LGALS12: variants seen among roughly 807,000 people sequenced by gnomAD.
LGALS12 encodes the protein galectin 12, also known as galectin-12.
LGALS12 carries 36 observed loss-of-function variants against 36.8 expected under a neutral mutation model. The observed-to-expected ratio is 0.98, with a 90% CI of 0.75 to 1.29. The LOEUF is 1.29. Among genes scored for constraint, LGALS12 ranks in the 50% most tolerant of loss-of-function variants. LGALS12 has a pLI of 0.00. For synonymous variants in LGALS12, 145 were observed against 155.9 expected, an observed-to-expected ratio of 0.93 and a Z score of 0.52; for missense variants, 366 against 394.3, an observed-to-expected ratio of 0.93 and a Z score of 0.61.
At chr11:63,512,888 G>A (rs2016970553) in intron 7 of LGALS12, among the ~76,000 whole-genome samples, 1 of 152,110 alleles carries the variant, frequency 6.6e-6, no homozygotes, top group East Asian at 1.9e-4. Flanking sequence ...CACAAATGTG[G>A]GTACTACTGC....
chr11:63,511,370 A>T (rs531935094), intron 6 of LGALS12, among the ~76,000 whole-genome samples: 7 of 152,220 alleles, frequency 4.6e-5, no homozygotes, highest in African/African-American at 1.7e-4. Context: ...ACTTATTGTG[A>T]ACATCATTAC....
intron 7 of LGALS12, among the ~76,000 whole-genome samples, chr11:63,512,658 G>T (rs150862449): frequency 1.3e-5 from 2 of 151,854 alleles, no homozygotes; most frequent in African/African-American, 4.8e-5. Flanking sequence ...GCATGGTGGC[G>T]CATGCCTGTA....
chr11:63,516,541 CT>C lies in LGALS12; in HGVS notation c.*151del. The C allele has an allele frequency of 1.1e-6, 1 of 929,406 alleles. No homozygotes were observed. The highest frequency in any genetic ancestry group is 2.6e-5 in the East Asian group (1 of 38,090). The allele number at this position is 929,406 out of a possible 1,614,324, so 57.6% of individuals were successfully genotyped here. ...GGTCACGAGACTGAGTCTACAGGAGCTTTGGGCCTGAGGGAAGGCACAAGAG... is the reference window on the plus strand; with the variant it reads ...GGTCACGAGACTGAGTCTACAGGAGCTTGGGCCTGAGGGAAGGCACAAGAG... On this transcript the variant is annotated 3_prime_UTR_variant, in exon 9 of 9. Transcript: ENST00000394618.
chr11:63,508,145 T>C (rs938645209), intron 1 of LGALS12: 5 of 1,055,492 alleles, frequency 4.7e-6, no homozygotes, highest in African/African-American at 3.4e-5. Context: ...TGTCCATTCT[T>C]CTTGCCTCCC....
At chr11:63,507,889 C>A in intron 1 of LGALS12, 1 of 254,848 alleles carries the variant, frequency 3.9e-6, no homozygotes, top group Non-Finnish European at 6.2e-6. Flanking sequence ...AGGTGCATGC[C>A]ACCACACCCA....
In LGALS12 at chr11:63,508,930, T is replaced by G. The variant is rs1322341925; in HGVS notation, c.311T>G (p.Leu104Arg). ...CAAAGGGAGGCCCGGTGGCCCCACC[T>G]GGCCCTGCGAAGAGGCTCCAGCTTC... ...RWQREARWPHLALRRGSSFLI... is the reference protein window; with the variant it reads ...RWQREARWPHRALRRGSSFLI... Residue 104 changes from leucine to arginine, a missense_variant, in exon 3 of 9, where the codon CTG becomes CGG. Transcript: ENST00000394618. 1.2e-6 allele frequency: 2 copies of G among 1,614,210 alleles called. No homozygotes were observed. The highest frequency in any genetic ancestry group is 1.7e-6 in the Non-Finnish European group (2 of 1,179,990).
Position 63,511,695 on chromosome 11 carries a change from C to T in LGALS12, c.559-57C>T, listed in dbSNP as rs372893908. Reference sequence around the variant, plus strand: ...TGCTCCCCTGGCCCCCGGGGATGGGCGGTCCTCCCCAGTCCCCCTGGAAGT... The same window carrying T: ...TGCTCCCCTGGCCCCCGGGGATGGGTGGTCCTCCCCAGTCCCCCTGGAAGT... On this transcript the variant is annotated intron_variant, in intron 6 of 8. Coordinates refer to ENST00000394618, the MANE Select transcript of LGALS12 (RefSeq NM_033101.4). 759 of 1,289,244 alleles carry T rather than the reference C, an allele frequency of 5.9e-4. 3 individuals are homozygous for T. In the African/African-American group the frequency reaches 9.4e-3, roughly 16 times the overall value. The allele number at this position is 1,289,244 out of a possible 1,614,324, so 79.9% of individuals were successfully genotyped here. A position where few individuals can be genotyped will look rare whatever the true frequency, so the allele number is the denominator to read the frequency against.
At chr11:63,509,474 G>A (rs150116093) in intron 3 of LGALS12, among the ~76,000 whole-genome samples, 55 of 152,284 alleles carry the variant, frequency 3.6e-4, no homozygotes, top group African/African-American at 1.2e-3. Flanking sequence ...GTAGCCTCTT[G>A]AGCCTCAGTT....
Position 63,506,216 on chromosome 11 carries a change from G to T in LGALS12, c.-243G>T, listed in dbSNP as rs1358753712. The T allele has an allele frequency of 1.6e-5, 10 of 644,796 alleles. No individual in the cohort carries two copies. The highest frequency in any genetic ancestry group is 2.4e-5 in the Non-Finnish European group (9 of 380,468). 39.9% of individuals were successfully genotyped at this position (644,796 alleles called of 1,614,324 possible). Reference sequence around the variant, plus strand: ...CCCTGGACACTGAGTTCTGCTGACAGCCCCCGCCCAGCCAGAGCTCTGCTG... The same window carrying T: ...CCCTGGACACTGAGTTCTGCTGACATCCCCCGCCCAGCCAGAGCTCTGCTG... On this transcript the variant is annotated 5_prime_UTR_variant, in exon 1 of 9. Transcript: ENST00000394618.
At chr11:63,512,693 G>A (rs753613241) in intron 7 of LGALS12, among the ~76,000 whole-genome samples, 9 of 151,208 alleles carry the variant, frequency 6.0e-5, no homozygotes, top group Non-Finnish European at 1.3e-4. Flanking sequence ...GGAGGCTGAG[G>A]CAGGAGAATC....
intron 4 of LGALS12, 65 bp downstream of exon 4, chr11:63,509,962 G>C (rs2016868114): frequency 1.3e-6 from 2 of 1,562,222 alleles, no homozygotes; most frequent in Admixed American, 3.8e-5. Flanking sequence ...CTCCTGGACG[G>C]GCCTGGGACC....
chr11:63,509,681 C>T (rs571815134), intron 3 of LGALS12, 97 bp from the exon 4 acceptor site: 58 of 1,397,280 alleles, frequency 4.2e-5, no homozygotes, highest in Non-Finnish European at 5.8e-5. Flanking sequence ...TTAAGTGAGG[C>T]AAAATTGAGG....
chr11:63,508,942 G>C lies in LGALS12; in HGVS notation c.323G>C (p.Arg108Thr), dbSNP rs1565225301. ...CGGTGGCCCCACCTGGCCCTGCGAA[G>C]AGGCTCCAGCTTCCTCATCCTCTTT... is the stretch of plus-strand genomic sequence containing the variant. The part of the protein sequence containing the change: ...EARWPHLALR[R>T]GSSFLILFLF... The change falls in exon 3 of 9, where the codon AGA becomes ACA. Residue 108 changes from arginine (R) to threonine (T), a missense_variant. By Grantham distance (71) the Arg-to-Thr change is moderately conservative (BLOSUM62 -1). Coordinates refer to ENST00000394618, the MANE Select transcript of LGALS12 (RefSeq NM_033101.4). 1.9e-6 allele frequency: 3 copies of C among 1,614,220 alleles called. No homozygotes were observed. Among genetic ancestry groups the C allele is most frequent in the Admixed American group, 1.7e-5 (1 of 60,034 alleles).
chr11:63,511,804 T>A lies in LGALS12; in HGVS notation c.611T>A (p.Ile204Asn). The change falls in exon 7 of 9, where the codon ATC (isoleucine) becomes AAC (asparagine). Residue 204 changes from isoleucine to asparagine, a missense_variant. Physicochemically the swap from Ile to Asn is moderately radical, Grantham distance 149. Transcript: ENST00000394618. ...LPQGLSPGQV[I>N]IVRGLVLQEP... The stretch of plus-strand genomic sequence containing the variant: ...CAGGGTCTCTCGCCTGGGCAGGTCA[T>A]CATAGTACGGGGACTGGTCTTGCAA... 6.2e-7 allele frequency: 1 copy of A among 1,613,796 alleles called. No individual in the cohort carries two copies. The highest frequency in any genetic ancestry group is 8.5e-7 in the Non-Finnish European group (1 of 1,179,920).
At position 63,508,931 on chromosome 11, in the gene LGALS12, G is replaced by C; in HGVS notation, c.312G>C (p.Leu104=). 6.2e-7 allele frequency: 1 copy of C among 1,614,232 alleles called. No individual in the cohort carries two copies. Among genetic ancestry groups the C allele is most frequent in the South Asian group, 1.1e-5 (1 of 91,090 alleles). Residue 104 remains leucine, a synonymous_variant, in exon 3 of 9, where the codon CTG becomes CTC. Transcript: ENST00000394618. ...RWQREARWPH[L]ALRRGSSFLI... ...AAAGGGAGGCCCGGTGGCCCCACCT[G>C]GCCCTGCGAAGAGGCTCCAGCTTCC... is the stretch of plus-strand genomic sequence containing the variant.
In LGALS12 at chr11:63,509,978, C is replaced by G. The variant is rs1025905865; in HGVS notation, c.492+81C>G. The G allele has an allele frequency of 3.3e-6, 5 of 1,515,646 alleles. No homozygotes were observed. In the African/African-American group the frequency reaches 6.8e-5, roughly 21 times the overall value. The allele number at this position is 1,515,646 out of a possible 1,614,324, so 93.9% of individuals were successfully genotyped here. The stretch of plus-strand genomic sequence containing the variant: ...TCCTGGACGGGCCTGGGACCCCTTC[C>G]TCCACCCTAGACTGAGAGAGAGGAC... On this transcript the variant is annotated intron_variant, in intron 4 of 8. Transcript: ENST00000394618.
chr11:63,509,777 G>A lies in LGALS12; in HGVS notation c.373-1G>A, dbSNP rs1201289241. The A allele has an allele frequency of 6.2e-7, 1 of 1,614,138 alleles. No homozygotes were observed. The highest frequency in any genetic ancestry group is 8.5e-7 in the Non-Finnish European group (1 of 1,179,952). On this transcript the variant is annotated splice_acceptor_variant, in intron 3 of 8. Coordinates refer to ENST00000394618, the MANE Select transcript of LGALS12 (RefSeq NM_033101.4). LOFTEE classifies it high-confidence loss of function. The stretch of plus-strand genomic sequence containing the variant: ...AAGCCAGCCTCTGTCTGTCTCTCCA[G>A]GTGAGTGTGAATGGACAGCACTTTC...
chr11:63,508,509 C>T, intron 1 of LGALS12, 44 bp from the exon 2 acceptor site: 2 of 1,613,168 alleles, frequency 1.2e-6, no homozygotes, highest in Non-Finnish European at 1.7e-6. Context: ...GGTCCCTAAG[C>T]CCTTTCTCCA....
intron 1 of LGALS12, 41 bp downstream of exon 1, chr11:63,506,568 G>A: frequency 6.2e-7 from 1 of 1,613,286 alleles, no homozygotes; most frequent in Non-Finnish European, 8.5e-7. Context: ...CGGTCTCTGG[G>A]CTCTTCCCTT....
Sources: allele counts gnomAD v4.1 joint callset (sites outside exome capture counted in the v4.1 genomes callset), GRCh38; gene constraint gnomAD v4.1.1; transcripts MANE v1.5; gene names NCBI Gene and HGNC (gene_info 2026-07-23, HGNC 2026-07-21).